Variants in DNAH2 observed in about 807,000 individuals in gnomAD.
DNAH2 encodes axonemal beta dynein heavy chain 2.
Under a neutral mutation model 523.5 loss-of-function variants are expected in DNAH2, and 323 were observed. The ratio of observed to expected loss-of-function variants is 0.62; its 90% CI spans 0.56 to 0.68. The LOEUF is 0.68. Ranked by LOEUF, DNAH2 falls within the 30% of genes least tolerant of loss-of-function variation. The pLI, the probability that DNAH2 is intolerant of heterozygous loss-of-function variation, is 0.00. For synonymous variants in DNAH2, 2,093 were observed against 2,177.4 expected (o/e 0.96, Z 1.08); for missense variants, 4,907 against 5,701.5 (o/e 0.86, Z 4.49).
At chr17:7,777,148 G>T (rs2076478126) in intron 32 of DNAH2, among the ~76,000 whole-genome samples, 1 of 150,810 alleles carries the variant, frequency 6.6e-6, no homozygotes, top group Non-Finnish European at 1.5e-5. Flanking sequence ...AAAAAAGAAA[G>T]AAAAGAAAAG....
intron 63 of DNAH2, among the ~76,000 whole-genome samples, chr17:7,812,825 C>T (rs1392079550): frequency 7.0e-6 from 1 of 142,168 alleles, no homozygotes; most frequent in Admixed American, 7.1e-5. Context: ...CACCTGTAAT[C>T]CTAGCTACTA....
intron 58 of DNAH2, among the ~76,000 whole-genome samples, chr17:7,803,507 C>A (rs1289548622): frequency 1.3e-5 from 2 of 151,600 alleles, no homozygotes; most frequent in African/African-American, 4.8e-5. Context: ...CCTGTCTCTA[C>A]AAAAATACAA....
intron 2 of DNAH2, among the ~76,000 whole-genome samples, chr17:7,723,003 T>C (rs2074669257): frequency 7.1e-6 from 1 of 140,568 alleles, no homozygotes; most frequent in African/African-American, 2.6e-5. Context: ...GAGTCTTCGC[T>C]CTGTTGCCCA....
chr17:7,759,601 T>C lies in DNAH2; in HGVS notation c.2628T>C (p.Ser876=). 6.2e-7 allele frequency: 1 copy of C among 1,613,816 alleles called. No individual in the cohort carries two copies. The highest frequency in any genetic ancestry group is 8.5e-7 in the Non-Finnish European group (1 of 1,179,858). ...LVILKNDLQG[S]VAQVEFSPTL... ...TTTTGAAGAATGATCTGCAAGGAAG[T>C]GTGGCACAGGTAAGAACCACTTTGC... is the stretch of plus-strand genomic sequence containing the variant. Residue 876 remains serine, a synonymous_variant, in exon 16 of 86, where the codon AGT becomes AGC. Coordinates refer to ENST00000572933, the MANE Select transcript of DNAH2 (RefSeq NM_020877.5).
In DNAH2 at chr17:7,754,409, C is replaced by T. The variant is rs2075777554; in HGVS notation, c.1905-2682C>T. On this transcript the variant is annotated intron_variant, in intron 12 of 85. Coordinates refer to ENST00000572933, the MANE Select transcript of DNAH2 (RefSeq NM_020877.5). The surrounding 1 kb of genome is among the most constrained non-coding windows in gnomAD (Gnocchi z 4.6). ...AGGTGCAGACATGGCCAAGTCCACA[C>T]CATACACCACCAGTCCCGAAAATGG... is the stretch of plus-strand genomic sequence containing the variant. The T allele has an allele frequency of 1.6e-5, 10 of 632,380 alleles. No individual in the cohort carries two copies. The South Asian group carries it at 2.0e-4, about 13-fold the overall frequency. 39.2% of individuals were successfully genotyped at this position (632,380 alleles called of 1,614,324 possible). A position where few individuals can be genotyped will look rare whatever the true frequency, so the allele number is the denominator to read the frequency against.
chr17:7,764,047 C>T lies in DNAH2; in HGVS notation c.3179+16C>T. 6.2e-7 allele frequency: 1 copy of T among 1,614,176 alleles called. No individual in the cohort carries two copies. Among genetic ancestry groups the T allele is most frequent in the Non-Finnish European group, 8.5e-7 (1 of 1,180,014 alleles). On this transcript the variant is annotated intron_variant, in intron 19 of 85. Transcript: ENST00000572933. ...ACGCAGAGAAGTGCGGGCTGGGGCG[C>T]CCCACAGGAAGGGGGCAGGGGCAGG...
At chr17:7,719,294 AT>A (rs1264071801) in intron 1 of DNAH2, among the ~76,000 whole-genome samples, 12 of 151,840 alleles carry the variant, frequency 7.9e-5, no homozygotes, top group Admixed American at 7.2e-4. Flanking sequence ...CTCCTGGCTA[AT>A]TTTTTGTATT....
At chr17:7,777,657 ACT>A (rs1393156850) in intron 33 of DNAH2, 23 bp downstream of exon 33, 2 of 1,612,440 alleles carry the variant, frequency 1.2e-6, no homozygotes, top group Non-Finnish European at 1.7e-6. Flanking sequence ...CCACCTCCCC[ACT>A]CTCTTACCGT....
intron 63 of DNAH2, 130 bp from the exon 64 acceptor site, chr17:7,816,441 A>G (rs2077667869): frequency 3.8e-6 from 4 of 1,061,254 alleles, no homozygotes; most frequent in African/African-American, 1.6e-5. Context: ...ACATGAGGAA[A>G]CTAGGCTCAA....
chr17:7,771,503 T>G (rs1161377618), intron 28 of DNAH2, 35 bp downstream of exon 28: 1 of 1,611,476 alleles, frequency 6.2e-7, no homozygotes. Context: ...TGACACAGCC[T>G]CGGCAGGCAC....
At position 7,780,436 on chromosome 17, in the gene DNAH2, G is replaced by A; in HGVS notation, c.5850+152G>A. 2 of 1,413,930 alleles carry A rather than the reference G, an allele frequency of 1.4e-6. No homozygotes were observed. Among genetic ancestry groups the A allele is most frequent in the Non-Finnish European group, 2.0e-6 (2 of 1,023,588 alleles). 87.6% of individuals were successfully genotyped at this position (1,413,930 alleles called of 1,614,324 possible). ...GATGTGTGGGGAGAAAAATTTAGGG[G>A]AGGGAGGTGTCTCCTCCGTGATATC... On this transcript the variant is annotated intron_variant, in intron 37 of 85. Coordinates refer to ENST00000572933, the MANE Select transcript of DNAH2 (RefSeq NM_020877.5). The surrounding 1 kb of genome is among the most constrained non-coding windows in gnomAD (Gnocchi z 4.4).
At chr17:7,823,371 G>GA (rs55758061) in intron 73 of DNAH2, 71 bp from the exon 74 acceptor site, 43 of 1,438,070 alleles carry the variant, frequency 3.0e-5, no homozygotes, top group East Asian at 7.0e-5. Context: ...GAGAGAGAGA[G>GA]GAGAAAAAGA....
intron 49 of DNAH2, 94 bp from the exon 50 acceptor site, chr17:7,796,370 C>A: frequency 7.0e-7 from 1 of 1,425,946 alleles, no homozygotes; most frequent in Non-Finnish European, 9.4e-7. Flanking sequence ...TTTGACACCC[C>A]CTTAAATTGT....
intron 30 of DNAH2, 38 bp from the exon 31 acceptor site, chr17:7,775,986 C>T: frequency 1.7e-5 from 27 of 1,610,522 alleles, no homozygotes; most frequent in Non-Finnish European, 2.3e-5. Context: ...GCCGTGCCCC[C>T]TCAGGCTGAG....
Position 7,798,657 on chromosome 17 carries a change from TCAA to T in DNAH2, c.8504_8506del (p.Asn2835del), listed in dbSNP as rs2077135985. 1 of 1,614,026 alleles carries T rather than the reference TCAA, an allele frequency of 6.2e-7. No homozygotes were observed. The highest frequency in any genetic ancestry group is 1.3e-5 in the African/African-American group (1 of 74,908). The stretch of plus-strand genomic sequence containing the variant: ...GCTGATGAGTCCTTCCTAGAGGACA[TCAA>T]CAACATCCTCAGCTCAGGCGAGGTG... On this transcript the variant is annotated inframe_deletion, in exon 55 of 86. Coordinates refer to ENST00000572933, the MANE Select transcript of DNAH2 (RefSeq NM_020877.5). The surrounding 1 kb of genome is among the most constrained non-coding windows in gnomAD (Gnocchi z 5.5).
At chr17:7,767,609 CT>C (rs373073103) in intron 22 of DNAH2, among the ~76,000 whole-genome samples, 63,750 of 136,930 alleles carry the variant, frequency 0.47, 17,550 homozygotes, top group Non-Finnish European at 0.65. Flanking sequence ...ACTTATTTAC[CT>C]TTTTTTTTTT....
At chr17:7,818,829 C>G in intron 70 of DNAH2, 53 bp downstream of exon 70, 3 of 1,611,604 alleles carry the variant, frequency 1.9e-6, no homozygotes, top group Non-Finnish European at 2.5e-6. Context: ...CCCAGCCAGC[C>G]TCCACCCAGT....
intron 3 of DNAH2, among the ~76,000 whole-genome samples, chr17:7,724,742 C>T (rs370880934): frequency 9.2e-5 from 12 of 130,412 alleles, no homozygotes; most frequent in Admixed American, 2.6e-4. Context: ...TCATATGTTA[C>T]TTTTTTTTTT....
At position 7,792,741 on chromosome 17, in the gene DNAH2, T is replaced by C. The variant is rs752990352; in HGVS notation, c.7230T>C (p.Asn2410=). The C allele has an allele frequency of 5.0e-6, 8 of 1,614,016 alleles. No individual in the cohort carries two copies. In the East Asian group the frequency reaches 1.8e-4, roughly 36 times the overall value. ...YLVSSLVANQ[N]PILLVGPVGT... ...TGAGCAGCTTGGTGGCCAACCAGAATCCCATTCTGCTGGTGGGTCCCGTGG... is the reference window on the plus strand; with the variant it reads ...TGAGCAGCTTGGTGGCCAACCAGAACCCCATTCTGCTGGTGGGTCCCGTGG... Residue 2410 remains asparagine (N), a synonymous_variant, in exon 47 of 86, where the codon AAT becomes AAC. Transcript: ENST00000572933.
Sources: gnomAD v4.1 joint callset for allele counts (sites outside exome capture counted in the v4.1 genomes callset) on GRCh38, gnomAD v4.1.1 for gene constraint, Gnocchi (gnomAD v3.1) non-coding constraint, MANE v1.5 for transcripts, NCBI Gene and HGNC (gene_info 2026-07-23, HGNC 2026-07-21) for gene names.